Variants in RIMS2 observed in about 807,000 individuals in gnomAD.
RIMS2 encodes regulating synaptic membrane exocytosis 2.
In RIMS2, 59 loss-of-function variants were observed where a neutral mutation model predicts 174.4. That is an observed-to-expected ratio of 0.34 (90% confidence interval 0.27 to 0.42). The LOEUF is 0.42. Among genes scored for constraint, RIMS2 ranks in the 10% least tolerant of loss-of-function variants. RIMS2 has a pLI of 1.00. For synonymous variants in RIMS2, 606 were observed against 572.5 expected (o/e 1.06, Z -0.84); for missense variants, 1,620 against 1,666.3 (o/e 0.97, Z 0.48).
chr8:103,956,294 A>G (rs753123918), intron 14 of RIMS2, among the ~76,000 whole-genome samples: 4 of 152,190 alleles, frequency 2.6e-5, no homozygotes, highest in Non-Finnish European at 2.9e-5. Flanking sequence ...CATAGCCAAG[A>G]CAACCATAAG....
chr8:103,885,520 T>C (rs1279070260), exon 4 of RIMS2: 2 of 1,612,152 alleles, frequency 1.2e-6, no homozygotes, highest in Admixed American at 3.3e-5. Context: ...CCAAAGAATA[T>C]ATTGTAGATG....
chr8:103,966,242 A>AT (rs1418642080), intron 15 of RIMS2, among the ~76,000 whole-genome samples: 1 of 152,124 alleles, frequency 6.6e-6, no homozygotes, highest in Non-Finnish European at 1.5e-5. Context: ...TTACCAGTGA[A>AT]TCGATCTAAA....
At position 104,009,542 on chromosome 8, in the gene RIMS2, C is replaced by T. The variant is rs572032265; in HGVS notation, c.3045-3900C>T. ...AAACACCTAAGCTCAAGCCATCTGT[C>T]TGCCTCAATCTGAAAGTGTTGAGAT... On this transcript the variant is annotated intron_variant, in intron 17 of 23. Coordinates refer to ENST00000504942, the Ensembl canonical transcript of RIMS2. 6.6e-4 allele frequency among the ~76,000 whole-genome samples: 100 copies of T among 152,190 alleles called. No homozygotes were observed. The Middle Eastern group carries it at 0.014, about 21-fold the overall frequency.
At chr8:103,765,233 T>G (rs1324409722) in intron 2 of RIMS2, among the ~76,000 whole-genome samples, 1 of 152,150 alleles carries the variant, frequency 6.6e-6, no homozygotes, top group African/African-American at 2.4e-5. Context: ...TTTTAAATGA[T>G]TAATTGAAAA....
At chr8:103,597,389 C>G (rs1046262422) in intron 1 of RIMS2, among the ~76,000 whole-genome samples, 1 of 152,028 alleles carries the variant, frequency 6.6e-6, no homozygotes, top group African/African-American at 2.4e-5. Flanking sequence ...GCCTTGTTTC[C>G]TCTTGTGTCC....
rs563864883 is a variant in RIMS2 at position 103,865,283 on chromosome 8, T to A, written c.699-20015T>A. On this transcript the variant is annotated intron_variant, in intron 3 of 23. Transcript: ENST00000504942. ...TATAACTTTTCAATGTCAGTTTTTT[T>A]CTTTTTTTTTTTTTTTTTTGAGATG... Among the ~76,000 whole-genome samples, 3 of 124,118 alleles carry A rather than the reference T, an allele frequency of 2.4e-5. No individual in the cohort carries two copies. In the South Asian group the frequency reaches 7.7e-4, roughly 32 times the overall value. The allele number at this position is 124,118 out of a possible 152,430, so 81.4% of individuals were successfully genotyped here. A position where few individuals can be genotyped will look rare whatever the true frequency, so the allele number is the denominator to read the frequency against.
At chr8:104,126,774 G>C (rs2098435392) in intron 19 of RIMS2, among the ~76,000 whole-genome samples, 2 of 152,140 alleles carry the variant, frequency 1.3e-5, no homozygotes, top group Admixed American at 1.3e-4. Flanking sequence ...CTGAAAAGTA[G>C]CACATTGATG....
At chr8:104,141,719 A>T (rs1360223302) in intron 19 of RIMS2, among the ~76,000 whole-genome samples, 2 of 152,176 alleles carry the variant, frequency 1.3e-5, no homozygotes, top group Non-Finnish European at 2.9e-5. Context: ...TCCTCTAACA[A>T]GCATTCTCAT....
chr8:103,837,956 T>C (rs80012780), intron 3 of RIMS2, among the ~76,000 whole-genome samples: 2 of 125,778 alleles, frequency 1.6e-5, no homozygotes, highest in African/African-American at 6.1e-5. Flanking sequence ...TTTTTTTTTT[T>C]TCTGAGACAG....
intron 19 of RIMS2, among the ~76,000 whole-genome samples, chr8:104,032,540 C>T (rs1435078526): frequency 6.6e-6 from 1 of 151,684 alleles, no homozygotes; most frequent in African/African-American, 2.4e-5. Flanking sequence ...AAGTAGAAGA[C>T]AAAACTTGAA....
intron 1 of RIMS2, among the ~76,000 whole-genome samples, chr8:103,566,001 A>G (rs2092308494): frequency 6.6e-6 from 1 of 152,228 alleles, no homozygotes; most frequent in Non-Finnish European, 1.5e-5. Flanking sequence ...AATGATCATA[A>G]GGATTTCTGG....
chr8:103,586,563 A>G (rs2093931616), intron 1 of RIMS2, among the ~76,000 whole-genome samples: 1 of 152,176 alleles, frequency 6.6e-6, no homozygotes, highest in Non-Finnish European at 1.5e-5. Flanking sequence ...TAATGGAAAC[A>G]CAATGTACCA....
At chr8:104,190,472 A>G (rs17241316) in intron 19 of RIMS2, among the ~76,000 whole-genome samples, 59,421 of 151,796 alleles carry the variant, frequency 0.39, 12,014 homozygotes, top group East Asian at 0.65. Context: ...TTTAGCTCCT[A>G]TATGATACTT....
At chr8:103,774,910 A>G (rs2098296359) in intron 3 of RIMS2, among the ~76,000 whole-genome samples, 1 of 152,152 alleles carries the variant, frequency 6.6e-6, no homozygotes, top group African/African-American at 2.4e-5. Context: ...TTAGTAAAAA[A>G]TTAAAGGAGA....
intron 15 of RIMS2, among the ~76,000 whole-genome samples, chr8:103,964,677 C>T (rs1218923062): frequency 6.6e-6 from 1 of 152,066 alleles, no homozygotes; most frequent in Admixed American, 6.6e-5. Context: ...CATTGAAATT[C>T]AGGTTATTAA....
intron 1 of RIMS2, among the ~76,000 whole-genome samples, chr8:103,609,604 A>T (rs904963074): frequency 1.3e-5 from 2 of 152,170 alleles, no homozygotes; most frequent in Admixed American, 1.3e-4. Flanking sequence ...ACTCTTTATT[A>T]ATTAGGAAGT....
intron 19 of RIMS2, among the ~76,000 whole-genome samples, chr8:104,220,183 C>G (rs1226607068): frequency 1.3e-5 from 2 of 152,150 alleles, no homozygotes; most frequent in Non-Finnish European, 2.9e-5. Context: ...AAGCTTTCTT[C>G]CCCTAAATAA....
chr8:103,618,870 G>A (rs1008598246), intron 1 of RIMS2, among the ~76,000 whole-genome samples: 3 of 152,048 alleles, frequency 2.0e-5, no homozygotes, highest in African/African-American at 7.2e-5. Context: ...ATTTTCACTC[G>A]TGGTTGCTAA....
At chr8:104,100,836 AATAT>A in intron 19 of RIMS2, among the ~76,000 whole-genome samples, 1 of 141,058 alleles carries the variant, frequency 7.1e-6, no homozygotes, top group African/African-American at 2.6e-5. Flanking sequence ...TGTAATATAT[AATAT>A]ATATGTATTA....
Sources: allele counts gnomAD v4.1 joint callset (sites outside exome capture counted in the v4.1 genomes callset), GRCh38; gene constraint gnomAD v4.1.1; transcripts MANE v1.5; gene names NCBI Gene and HGNC (gene_info 2026-07-23, HGNC 2026-07-21).